COL15A1: variants seen among roughly 807,000 people sequenced by gnomAD.
COL15A1 encodes the protein collagen alpha-1(XV) chain.
Under a neutral mutation model 165.9 loss-of-function variants are expected in COL15A1, and 111 were observed. The ratio of observed to expected loss-of-function variants is 0.67; its 90% CI spans 0.57 to 0.78. The LOEUF (loss-of-function observed/expected upper bound fraction) is 0.78. Ranked by LOEUF, COL15A1 falls within the 30% of genes least tolerant of loss-of-function variation. The pLI is 0.00. For missense variants in COL15A1, 1,745 were observed against 1,789.7 expected (o/e 0.98, Z 0.45); for synonymous variants, 659 against 674.8 (o/e 0.98, Z 0.36).
intron 2 of COL15A1, among the ~76,000 whole-genome samples, chr9:98,955,167 G>A (rs1564007638): frequency 1.3e-5 from 2 of 152,222 alleles, no homozygotes; most frequent in Non-Finnish European, 2.9e-5. Context: ...TCTCCTGGGT[G>A]CAGTCTAAGA....
At position 98,989,024 on chromosome 9, in the gene COL15A1, A is replaced by C. The variant is rs139982096; in HGVS notation, c.724-154A>C. ...CTTAACCCCACTCCGTCTCTCATAG[A>C]CACACACACACACACACACACACAC... On this transcript the variant is annotated intron_variant, in intron 4 of 41. Transcript: ENST00000375001. Among the ~76,000 whole-genome samples, 96 of 15,854 alleles carry C rather than the reference A, an allele frequency of 6.1e-3. 1 individual carries two copies. The highest frequency in any genetic ancestry group is 7.8e-3 in the Non-Finnish European group (84 of 10,782). The allele number at this position is 15,854 out of a possible 152,430, so 10.4% of individuals were successfully genotyped here.
rs374870759 is a variant in COL15A1, at chr9:99,035,165, C to A, written c.2220+11C>A. 3.0e-5 allele frequency: 47 copies of A among 1,587,482 alleles called. No individual in the cohort carries two copies. The African/African-American group carries it at 5.7e-4, about 19-fold the overall frequency. ...GGACTTGGATTCGAGGTACTTTTCC[C>A]CTTTTCTGTGGTTATAAAAATGATG... On this transcript the variant is annotated intron_variant, in intron 18 of 41. Transcript: ENST00000375001.
At chr9:98,963,023 A>G (rs755588856) in intron 2 of COL15A1, among the ~76,000 whole-genome samples, 1 of 152,244 alleles carries the variant, frequency 6.6e-6, no homozygotes, top group Non-Finnish European at 1.5e-5. Flanking sequence ...CTTTCCAGGA[A>G]TAGCGTGTGG....
At chr9:99,044,861 G>A in intron 26 of COL15A1, 91 bp downstream of exon 26, 1 of 1,257,710 alleles carries the variant, frequency 8.0e-7, no homozygotes, top group Non-Finnish European at 1.2e-6. Context: ...TCCCGGTTAT[G>A]AAAATTCAAA....
Position 99,062,022 on chromosome 9 carries a change from A to G in COL15A1, c.3454A>G (p.Ile1152Val), listed in dbSNP as rs1825823459. ...DDMLQKAHLV[I>V]EGTFIYLRDS... ...CATGCTGCAGAAAGCGCATTTGGTT[A>G]TAGAAGGAACATTCATCTACCTGAG... Residue 1152 changes from isoleucine to valine, a missense_variant, in exon 37 of 42, where the codon ATA becomes GTA. Physicochemically the swap from Ile to Val is conservative, Grantham distance 29 (BLOSUM62 3). Coordinates refer to ENST00000375001, the MANE Select transcript of COL15A1 (RefSeq NM_001855.5). 1.2e-6 allele frequency: 2 copies of G among 1,614,082 alleles called. No individual in the cohort carries two copies. Among genetic ancestry groups the G allele is most frequent in the South Asian group, 1.1e-5 (1 of 91,026 alleles).
chr9:99,035,846 T>G (rs1003140701), intron 19 of COL15A1, among the ~76,000 whole-genome samples: 2 of 152,118 alleles, frequency 1.3e-5, no homozygotes, highest in African/African-American at 4.8e-5. Context: ...TCTCCTGCCA[T>G]GAAGCGATGC....
At chr9:98,966,982 A>G (rs1291394883) in intron 2 of COL15A1, among the ~76,000 whole-genome samples, 1 of 152,190 alleles carries the variant, frequency 6.6e-6, no homozygotes, top group East Asian at 1.9e-4. Flanking sequence ...AAGCTCATTC[A>G]TTCATGCACA....
chr9:98,953,650 T>C (rs987941424), intron 2 of COL15A1, among the ~76,000 whole-genome samples: 2 of 152,164 alleles, frequency 1.3e-5, no homozygotes, highest in Non-Finnish European at 2.9e-5. Flanking sequence ...CTGAGGGCCC[T>C]GGTATCTCTC....
At chr9:99,062,796 A>G (rs1351667039) in intron 38 of COL15A1, among the ~76,000 whole-genome samples, 1 of 152,190 alleles carries the variant, frequency 6.6e-6, no homozygotes, top group Non-Finnish European at 1.5e-5. Flanking sequence ...GTGATTAAAC[A>G]TGGGTTTATC....
chr9:98,982,712 G>A (rs559143916), intron 2 of COL15A1, among the ~76,000 whole-genome samples: 29 of 152,052 alleles, frequency 1.9e-4, no homozygotes, highest in Admixed American at 3.3e-4. Flanking sequence ...CATGATCATG[G>A]CTCACTGCAG....
chr9:98,991,347 A>G (rs1838426674), intron 5 of COL15A1, among the ~76,000 whole-genome samples: 1 of 152,136 alleles, frequency 6.6e-6, no homozygotes, highest in Admixed American at 6.5e-5. Context: ...TTTTACAGAG[A>G]GCTGATTGGT....
chr9:99,037,374 C>A (rs1224097598), intron 21 of COL15A1, among the ~76,000 whole-genome samples: 1 of 152,120 alleles, frequency 6.6e-6, no homozygotes, highest in Non-Finnish European at 1.5e-5. Context: ...CTGGCATAAG[C>A]ACTCATGGGC....
intron 5 of COL15A1, among the ~76,000 whole-genome samples, chr9:98,996,171 A>G (rs1223163710): frequency 2.0e-5 from 3 of 152,248 alleles, no homozygotes; most frequent in Non-Finnish European, 2.9e-5. Context: ...GCCTTACAAA[A>G]CAAAGATTGG....
intron 2 of COL15A1, among the ~76,000 whole-genome samples, chr9:98,945,754 A>G (rs1316746061): frequency 6.6e-6 from 1 of 152,242 alleles, no homozygotes; most frequent in African/African-American, 2.4e-5. Context: ...TGCATATGAT[A>G]TAGGGCCCTG....
chr9:98,973,276 G>A (rs1400779454), intron 2 of COL15A1, among the ~76,000 whole-genome samples: 1 of 152,078 alleles, frequency 6.6e-6, no homozygotes, highest in African/African-American at 2.4e-5. Context: ...GAGAGAGGGA[G>A]GAGAGCTTAT....
intron 36 of COL15A1, 139 bp from the exon 37 acceptor site, chr9:99,061,832 T>C (rs1186960291): frequency 1.2e-6 from 1 of 817,194 alleles, no homozygotes; most frequent in East Asian, 2.5e-5. Flanking sequence ...GGTATATACC[T>C]CTATCTGGCA....
intron 35 of COL15A1, among the ~76,000 whole-genome samples, chr9:99,057,920 T>C (rs943378088): frequency 1.3e-5 from 2 of 152,100 alleles, no homozygotes; most frequent in African/African-American, 2.4e-5. Flanking sequence ...CTGCAAGTGA[T>C]AGAAACGTAA....
Position 99,022,152 on chromosome 9 carries a change from T to A in COL15A1, c.1761+2T>A. ...CCTTCTGGGCCTGTTGGACCCACGG[T>A]GAGATTCCCATCCAGGCTTGTCACA... On this transcript the variant is annotated splice_donor_variant, in intron 13 of 41. Coordinates refer to ENST00000375001, the MANE Select transcript of COL15A1 (RefSeq NM_001855.5). LOFTEE classifies it high-confidence loss of function. 1.9e-6 allele frequency: 3 copies of A among 1,614,036 alleles called. No individual in the cohort carries two copies. Among genetic ancestry groups the A allele is most frequent in the Non-Finnish European group, 2.5e-6 (3 of 1,179,954 alleles).
chr9:99,062,205 G>A (rs369440268), intron 37 of COL15A1, 40 bp from the exon 38 acceptor site: 21 of 1,600,916 alleles, frequency 1.3e-5, no homozygotes, highest in Non-Finnish European at 1.8e-5. Flanking sequence ...GGAGAAGTTT[G>A]TAATTGATCT....
Sources: gnomAD v4.1 joint callset for allele counts (sites outside exome capture counted in the v4.1 genomes callset) on GRCh38, gnomAD v4.1.1 for gene constraint, MANE v1.5 for transcripts, NCBI Gene and HGNC (gene_info 2026-07-23, HGNC 2026-07-21) for gene names.